The following OTOF variants were observed in gnomAD, a reference collection of about 807,000 sequenced individuals.
OTOF encodes the protein fer-1-like family member 2.
A neutral mutation model predicts 236.8 loss-of-function variants in OTOF; 218 were observed. That is an observed-to-expected ratio of 0.92 (90% CI 0.82 to 1.03). The LOEUF is 1.03. Among genes scored for constraint, OTOF ranks in the 50% least tolerant of loss-of-function variants. The probability of loss-of-function intolerance (pLI) is 0.00; values close to 1 mark genes in which losing one functional copy is unlikely to be tolerated. For missense variants in OTOF, 2,590 were observed against 2,694.4 expected, an observed-to-expected ratio of 0.96 and a Z score of 0.86; for synonymous variants, 1,041 against 1,072.5, an observed-to-expected ratio of 0.97 and a Z score of 0.57.
At chr2:26,514,362 G>A (rs1486748206) in intron 5 of OTOF, among the ~76,000 whole-genome samples, 1 of 152,270 alleles carries the variant, frequency 6.6e-6, no homozygotes, top group Non-Finnish European at 1.5e-5. Context: ...ACGAAGATGG[G>A]GAGAGGTGGG....
intron 30 of OTOF, among the ~76,000 whole-genome samples, chr2:26,472,058 C>T (rs1665005751): frequency 6.6e-6 from 1 of 151,938 alleles, no homozygotes; most frequent in African/African-American, 2.4e-5. Flanking sequence ...CATGCTCATA[C>T]CACATGCATG....
intron 8 of OTOF, among the ~76,000 whole-genome samples, chr2:26,500,526 T>C (rs1402432215): frequency 6.6e-6 from 1 of 152,044 alleles, no homozygotes; most frequent in Non-Finnish European, 1.5e-5. Flanking sequence ...TCAGGACACT[T>C]TGTGTTTGGG....
Position 26,489,732 on chromosome 2 carries a change from G to A in OTOF, c.906C>T (p.Val302=), listed in dbSNP as rs1171188186. 2 of 1,612,640 alleles carry A rather than the reference G, an allele frequency of 1.2e-6. No individual in the cohort carries two copies. The highest frequency in any genetic ancestry group is 1.3e-5 in the African/African-American group (1 of 74,920). ...CATCCGGAGAGACATGGAAGTCGAA[G>A]ACGAAGTACTGGAGGGGGAAGGATC... The part of the protein sequence containing the change: ...TNCPYYNEYF[V]FDFHVSPDVM... Residue 302 remains valine (V), a synonymous_variant, in exon 10 of 47, where the codon GTC becomes GTT. Transcript: ENST00000272371.
chr2:26,516,030 G>A (rs565468564), intron 5 of OTOF, among the ~76,000 whole-genome samples: 3 of 152,336 alleles, frequency 2.0e-5, no homozygotes, highest in East Asian at 3.9e-4. Flanking sequence ...CCAGGGTAGA[G>A]GTCAGGCTGC....
At chr2:26,538,983 T>C (rs1361118198) in intron 1 of OTOF, among the ~76,000 whole-genome samples, 1 of 152,032 alleles carries the variant, frequency 6.6e-6, no homozygotes, top group Non-Finnish European at 1.5e-5. Flanking sequence ...CAGCTAATTT[T>C]TGTATTTTTA....
In OTOF at chr2:26,465,807, G is replaced by T. The variant is rs781649834; in HGVS notation, c.4664C>A (p.Ser1555Tyr). The change falls in exon 38 of 47, where the codon TCC (serine) becomes TAC (tyrosine). Residue 1555 changes from serine (S) to tyrosine (Y), a missense_variant. Ser to Tyr is a moderately radical substitution (Grantham distance 144). This residue lies in a region of OTOF where 1,211 missense variants were observed against 1,352.8 expected (regional missense o/e 0.90). Coordinates refer to ENST00000272371, the MANE Select transcript of OTOF (RefSeq NM_194248.3). The stretch of plus-strand genomic sequence containing the variant: ...GTCATACACAGCCACCGTCAGCATG[G>T]ATTCCATGGGGAAGGAGGCCTCGAT... ...FDIEASFPME[S>Y]MLTVAVYDWD... 3 of 1,614,136 alleles carry T rather than the reference G, an allele frequency of 1.9e-6. No individual in the cohort carries two copies. The African/African-American group carries it at 4.0e-5, about 22-fold the overall frequency.
Position 26,484,591 on chromosome 2 carries a change from T to C in OTOF, c.1088A>G (p.Asp363Gly), listed in dbSNP as rs1411576712. 1.9e-6 allele frequency: 3 copies of C among 1,613,870 alleles called. No individual in the cohort carries two copies. Among genetic ancestry groups the C allele is most frequent in the East Asian group, 2.2e-5 (1 of 44,866 alleles). Residue 363 changes from aspartate to glycine, a missense_variant, in exon 12 of 47, where the codon GAT becomes GGT. Physicochemically the swap from Asp to Gly is moderately conservative, Grantham distance 94. Coordinates refer to ENST00000272371, the MANE Select transcript of OTOF (RefSeq NM_194248.3). ...HHKWAILSDP[D>G]DISSGLKGYV... ...GCCCTTCAGCCCCGAGGAGATGTCATCGGGGTCAGACAGGATGGCCCACTT... is the reference window on the plus strand; with the variant it reads ...GCCCTTCAGCCCCGAGGAGATGTCACCGGGGTCAGACAGGATGGCCCACTT...
intron 5 of OTOF, among the ~76,000 whole-genome samples, chr2:26,511,723 A>G (rs1424685935): frequency 1.3e-5 from 2 of 152,208 alleles, no homozygotes; most frequent in South Asian, 2.1e-4. Flanking sequence ...AGCTCACAGC[A>G]TAGGAGGAGG....
chr2:26,483,802 C>G (rs989327670), intron 12 of OTOF, among the ~76,000 whole-genome samples, 154 bp from the exon 13 acceptor site: 2 of 152,204 alleles, frequency 1.3e-5, no homozygotes, highest in African/African-American at 4.8e-5. Flanking sequence ...GAACTTGCCC[C>G]TTGTGGGATT....
Position 26,460,804 on chromosome 2 carries a change from C to T in OTOF, c.5712+48G>A, listed in dbSNP as rs1284238253. On this transcript the variant is annotated intron_variant, in intron 44 of 46. Coordinates refer to ENST00000272371, the MANE Select transcript of OTOF (RefSeq NM_194248.3). This position sits in a 1 kb window ranked among gnomAD's most constrained non-coding sequence, Gnocchi z 5.3. ...GCTGCGTGCTGGGCCCTTGGCACCC[C>T]AGCCAGTCCCAGCCCTGCCTACTGC... 3.1e-6 allele frequency: 5 copies of T among 1,613,480 alleles called. No homozygotes were observed. In the Admixed American group the frequency reaches 6.7e-5, roughly 22 times the overall value.
chr2:26,534,200 G>A lies in OTOF; in HGVS notation c.138+3516C>T, dbSNP rs956498945. Among the ~76,000 whole-genome samples the A allele has an allele frequency of 3.3e-5, 5 of 152,160 alleles. No homozygotes were observed. The South Asian group carries it at 6.2e-4, about 19-fold the overall frequency. On this transcript the variant is annotated intron_variant, in intron 2 of 46. Transcript: ENST00000272371. ...TTGTGTCAAGCTCTCAGCCCATCTT[G>A]CCACACACTAAGTGCTCAGTAAATA...
At chr2:26,503,985 G>A in intron 5 of OTOF, 140 bp from the exon 6 acceptor site, 1 of 751,612 alleles carries the variant, frequency 1.3e-6, no homozygotes, top group Admixed American at 2.0e-5. Context: ...TCCCGAGACA[G>A]ATCGGGATCT....
chr2:26,505,092 C>T (rs904483698), intron 5 of OTOF, among the ~76,000 whole-genome samples: 6 of 152,042 alleles, frequency 3.9e-5, no homozygotes, highest in Non-Finnish European at 7.4e-5. Context: ...CAATCTTATT[C>T]CCCAAACCTG....
chr2:26,491,428 G>A (rs1665838099), intron 9 of OTOF, among the ~76,000 whole-genome samples: 1 of 152,172 alleles, frequency 6.6e-6, no homozygotes, highest in African/African-American at 2.4e-5. Context: ...CCCAGAGAGA[G>A]GTGACAGACT....
chr2:26,548,938 C>G (rs1667398217), intron 1 of OTOF, among the ~76,000 whole-genome samples: 1 of 152,114 alleles, frequency 6.6e-6, no homozygotes, highest in South Asian at 2.1e-4. Context: ...TGTCTGGCTT[C>G]TTTTATTTAA....
At chr2:26,556,158 G>C (rs930457425) in intron 1 of OTOF, among the ~76,000 whole-genome samples, 1 of 152,168 alleles carries the variant, frequency 6.6e-6, no homozygotes, top group African/African-American at 2.4e-5. Context: ...CACCTCCCCC[G>C]GCATTGACTT....
In OTOF at chr2:26,463,515, C is replaced by T. The variant is rs142796386; in HGVS notation, c.5160G>A (p.Thr1720=). The T allele has an allele frequency of 5.5e-5, 89 of 1,608,350 alleles. No individual in the cohort carries two copies. The highest frequency in any genetic ancestry group is 6.7e-5 in the Admixed American group (4 of 59,350). Residue 1720 remains threonine, a synonymous_variant, in exon 41 of 47, where the codon ACG becomes ACA. Transcript: ENST00000272371. ...MFPMDMPAPG[T]PLDISPRKPK... Reference sequence around the variant, plus strand: ...GCTTCCGAGGTGAGATGTCCAGAGGCGTCCCAGGGGCTGGCATGTCCATGG... The same window carrying T: ...GCTTCCGAGGTGAGATGTCCAGAGGTGTCCCAGGGGCTGGCATGTCCATGG...
At chr2:26,510,500 C>T (rs1197579057) in intron 5 of OTOF, among the ~76,000 whole-genome samples, 5 of 152,102 alleles carry the variant, frequency 3.3e-5, no homozygotes, top group Admixed American at 1.3e-4. Flanking sequence ...CCACCTCCCC[C>T]GCGACCCTAA....
rs768506241 is a variant in OTOF at position 26,473,168 on chromosome 2, G to A, written c.3697C>T (p.Pro1233Ser). The A allele has an allele frequency of 1.2e-5, 19 of 1,612,826 alleles. No individual in the cohort carries two copies. The South Asian group carries it at 1.8e-4, about 15-fold the overall frequency. ...VSSLRRFIYR[P>S]PDRSAPSWNT... ...CAGCTGGGGGCCGAGCGGTCTGGGG[G>A]CCGGTAGATGAAGCGTCGCAGGGAG... Residue 1233 changes from proline (P) to serine (S), a missense_variant, in exon 29 of 47, where the codon CCC becomes TCC. Pro to Ser is a moderately conservative substitution (Grantham distance 74, BLOSUM62 -1). Transcript: ENST00000272371. The surrounding 1 kb of genome is among the most constrained non-coding windows in gnomAD (Gnocchi z 7.2).
Sources: gnomAD v4.1 joint callset for allele counts (sites outside exome capture counted in the v4.1 genomes callset) on GRCh38, gnomAD v4.1.1 for gene constraint, gnomAD v4.1.1 regional missense constraint, Gnocchi (gnomAD v3.1) non-coding constraint, MANE v1.5 for transcripts, NCBI Gene and HGNC (gene_info 2026-07-23, HGNC 2026-07-21) for gene names.